Variants in AMDHD1 observed in about 807,000 individuals in gnomAD.
AMDHD1 encodes amidohydrolase domain containing 1.
In AMDHD1, 45 loss-of-function variants were observed where a neutral mutation model predicts 44.1. The ratio of observed to expected loss-of-function variants is 1.02; its 90% CI spans 0.80 to 1.31. The LOEUF (loss-of-function observed/expected upper bound fraction) is 1.31, where lower values mean the gene tolerates loss of function less well. AMDHD1 is among the 50% of genes most tolerant of loss of function. The pLI is 0.00. For synonymous variants in AMDHD1, 206 were observed against 205.0 expected (o/e 1.00, Z -0.04); for missense variants, 586 against 552.1 (o/e 1.06, Z -0.61).
At chr12:95,946,059 C>CTG (rs62886262) in intron 1 of AMDHD1, among the ~76,000 whole-genome samples, 5,172 of 142,432 alleles carry the variant, frequency 0.036, 120 homozygotes, top group East Asian at 0.17. Flanking sequence ...CTCTCTTTCT[C>CTG]TCTGTGTGTG....
At chr12:95,954,677 CA>C (rs550838659) in intron 2 of AMDHD1, among the ~76,000 whole-genome samples, 13 of 152,320 alleles carry the variant, frequency 8.5e-5, no homozygotes, top group African/African-American at 3.1e-4. Flanking sequence ...ATATTTTCAT[CA>C]TGTTGCATCA....
intron 1 of AMDHD1, among the ~76,000 whole-genome samples, chr12:95,946,177 G>GCAAATGT (rs2080495002): frequency 6.6e-6 from 1 of 151,672 alleles, no homozygotes; most frequent in Non-Finnish European, 1.5e-5. Context: ...CCATCCAAAG[G>GCAAATGT]CTAAAACCTA....
At chr12:95,948,783 C>G (rs1294442153) in intron 1 of AMDHD1, among the ~76,000 whole-genome samples, 1 of 51,070 alleles carries the variant, frequency 2.0e-5, no homozygotes, top group African/African-American at 1.2e-4. Context: ...TTGTTCTGCA[C>G]TAAGAAAAAT....
In AMDHD1 at chr12:95,956,904, C is replaced by A; in HGVS notation, c.529C>A (p.Arg177=). Residue 177 remains arginine, a synonymous_variant, in exon 4 of 9, where the codon CGG becomes AGG. Transcript: ENST00000266736. ...LKMLRVIERA[R]RELDIGISAT... The stretch of plus-strand genomic sequence containing the variant: ...GATGCTGCGCGTGATTGAGCGCGCC[C>A]GGCGGGAGCTGGACATCGGCATCTC... 1 of 1,613,294 alleles carries A rather than the reference C, an allele frequency of 6.2e-7. No individual in the cohort carries two copies. Among genetic ancestry groups the A allele is most frequent in the Non-Finnish European group, 8.5e-7 (1 of 1,180,002 alleles).
Position 95,967,404 on chromosome 12 carries a change from C to T in AMDHD1, c.1194-352C>T, listed in dbSNP as rs533568200. Among the ~76,000 whole-genome samples the T allele has an allele frequency of 6.6e-5, 10 of 152,330 alleles. No homozygotes were observed. The South Asian group carries it at 2.1e-3, about 32-fold the overall frequency. On this transcript the variant is annotated intron_variant, in intron 8 of 8. Transcript: ENST00000266736. ...AAATCCTATGGCTACTTGACTCTTA[C>T]GAGCCCATTGCAGCCCTTGGACCTC...
At chr12:95,964,604 C>CTCATACGTTGT (rs1231278654) in intron 6 of AMDHD1, among the ~76,000 whole-genome samples, 1 of 152,086 alleles carries the variant, frequency 6.6e-6, no homozygotes, top group Non-Finnish European at 1.5e-5. Context: ...CTCACCTCCT[C>CTCATACGTTGT]TCATACGTTG....
At position 95,943,462 on chromosome 12, in the gene AMDHD1, G is replaced by T. The variant is rs749204970; in HGVS notation, c.64G>T (p.Gly22Cys). Reference protein sequence around the residue: ...AQQVVLVCARGERFLARDALR... With the variant: ...AQQVVLVCARCERFLARDALR... The stretch of plus-strand genomic sequence containing the variant: ...GCAAGTGGTGCTGGTGTGCGCCCGC[G>T]GCGAGCGCTTCCTGGCGCGGGATGC... Residue 22 changes from glycine to cysteine, a missense_variant, in exon 1 of 9, where the codon GGC becomes TGC. Coordinates refer to ENST00000266736, the MANE Select transcript of AMDHD1 (RefSeq NM_152435.3). The T allele has an allele frequency of 1.3e-6, 2 of 1,503,930 alleles. No homozygotes were observed. The highest frequency in any genetic ancestry group is 8.8e-7 in the Non-Finnish European group (1 of 1,131,136). 93.2% of individuals were successfully genotyped at this position (1,503,930 alleles called of 1,614,324 possible).
At chr12:95,950,858 T>G (rs956262742) in intron 1 of AMDHD1, among the ~76,000 whole-genome samples, 1 of 134,912 alleles carries the variant, frequency 7.4e-6, no homozygotes, top group African/African-American at 3.0e-5. Flanking sequence ...CAGCTAAAAT[T>G]TAGGGCTCTA....
intron 4 of AMDHD1, among the ~76,000 whole-genome samples, chr12:95,957,173 A>C (rs934456762): frequency 6.6e-6 from 1 of 152,230 alleles, no homozygotes; most frequent in African/African-American, 2.4e-5. Flanking sequence ...TTATGATAGA[A>C]GAGATGTTTC....
At position 95,943,468 on chromosome 12, in the gene AMDHD1, C is replaced by T; in HGVS notation, c.70C>T (p.Arg24Cys). 1.3e-6 allele frequency: 2 copies of T among 1,503,956 alleles called. No homozygotes were observed. The highest frequency in any genetic ancestry group is 1.8e-6 in the Non-Finnish European group (2 of 1,131,074). The allele number at this position is 1,503,956 out of a possible 1,614,324, so 93.2% of individuals were successfully genotyped here. A position where few individuals can be genotyped will look rare whatever the true frequency, so the allele number is the denominator to read the frequency against. The change falls in exon 1 of 9, where the codon CGC becomes TGC. Residue 24 changes from arginine (R) to cysteine (C), a missense_variant. Arg to Cys is a radical substitution (Grantham distance 180). Coordinates refer to ENST00000266736, the MANE Select transcript of AMDHD1 (RefSeq NM_152435.3). ...GGTGCTGGTGTGCGCCCGCGGCGAG[C>T]GCTTCCTGGCGCGGGATGCGCTGCG... ...QVVLVCARGE[R>C]FLARDALRSL...
intron 4 of AMDHD1, 66 bp from the exon 5 acceptor site, chr12:95,960,330 CAG>C (rs2080574365): frequency 7.1e-7 from 1 of 1,411,450 alleles, no homozygotes; most frequent in Admixed American, 2.0e-5. Context: ...CTTCAAGTGC[CAG>C]ATTACCCTGT....
chr12:95,958,518 AT>A (rs1316387163), intron 4 of AMDHD1, among the ~76,000 whole-genome samples: 1 of 151,996 alleles, frequency 6.6e-6, no homozygotes, highest in Non-Finnish European at 1.5e-5. Context: ...AAAACAGTAG[AT>A]TTTTTTTCAA....
At chr12:95,953,593 G>C (rs1054279943) in intron 2 of AMDHD1, among the ~76,000 whole-genome samples, 1 of 152,020 alleles carries the variant, frequency 6.6e-6, no homozygotes, top group African/African-American at 2.4e-5. Context: ...TCATTTGTTT[G>C]TTTATTTTGA....
At chr12:95,955,030 G>C in intron 3 of AMDHD1, 55 bp downstream of exon 3, 1 of 1,558,346 alleles carries the variant, frequency 6.4e-7, no homozygotes, top group South Asian at 1.1e-5. Context: ...GAAGTCTTTT[G>C]CTGAAGAGTT....
chr12:95,952,384 G>A (rs2080529149), intron 1 of AMDHD1, among the ~76,000 whole-genome samples: 1 of 152,072 alleles, frequency 6.6e-6, no homozygotes, highest in Non-Finnish European at 1.5e-5. Context: ...CTTATTTCTG[G>A]GTTCACTATT....
chr12:95,944,472 GCTCCACCTCCCAGGCTCAACTGCGAT>G (rs1441385154), intron 1 of AMDHD1, among the ~76,000 whole-genome samples: 60 of 151,568 alleles, frequency 4.0e-4, no homozygotes, highest in African/African-American at 1.2e-3. Flanking sequence ...CATGATCTTG[GCTCCACCTCCCAGGCTCAACTGCGAT>G]CTCCACCTCC....
chr12:95,967,286 G>C (rs2080616418), intron 8 of AMDHD1, among the ~76,000 whole-genome samples: 1 of 152,170 alleles, frequency 6.6e-6, no homozygotes. Flanking sequence ...CCACAATGTG[G>C]GAATTATGGA....
At position 95,967,834 on chromosome 12, in the gene AMDHD1, T is replaced by G. The variant is rs755012797; in HGVS notation, c.1272T>G (p.Tyr424Ter). 1.2e-5 allele frequency: 19 copies of G among 1,582,682 alleles called. No individual in the cohort carries two copies. Among genetic ancestry groups the G allele is most frequent in the Non-Finnish European group, 1.6e-5 (19 of 1,162,834 alleles). ...EYVIAKGKLI[Y>*]KT The stretch of plus-strand genomic sequence containing the variant: ...TTATAGCTAAAGGAAAACTCATCTA[T>G]AAAACATGATAGATTTGAAAAGAGA... The change falls in exon 9 of 9, where the codon TAT (tyrosine) becomes TAG (stop). Residue 424 changes from tyrosine (Y) to a stop codon, truncating the protein, a stop_gained. Coordinates refer to ENST00000266736, the MANE Select transcript of AMDHD1 (RefSeq NM_152435.3). LOFTEE classifies it high-confidence loss of function.
chr12:95,943,524 G>C lies in AMDHD1; in HGVS notation c.126G>C (p.Leu42=). The change falls in exon 1 of 9, where the codon CTG becomes CTC. Residue 42 remains leucine, a synonymous_variant. Coordinates refer to ENST00000266736, the MANE Select transcript of AMDHD1 (RefSeq NM_152435.3). ...TGGCGGTGCTGGAAGGCGCCAGCCT[G>C]GTGGTGGGCAAGTAAGTGGCCGGGC... ...RSLAVLEGAS[L]VVGKDGFIKA... The C allele has an allele frequency of 6.8e-7, 1 of 1,471,252 alleles. No individual in the cohort carries two copies. Among genetic ancestry groups the C allele is most frequent in the Non-Finnish European group, 9.0e-7 (1 of 1,114,790 alleles). 91.1% of individuals were successfully genotyped at this position (1,471,252 alleles called of 1,614,324 possible).
Sources: gnomAD v4.1 joint callset for allele counts (sites outside exome capture counted in the v4.1 genomes callset) on GRCh38, gnomAD v4.1.1 for gene constraint, MANE v1.5 for transcripts, NCBI Gene and HGNC (gene_info 2026-07-23, HGNC 2026-07-21) for gene names.